The following GRID2 variants were observed in gnomAD, a reference collection of about 807,000 sequenced individuals.
GRID2 encodes the protein glutamate ionotropic receptor delta type subunit 2.
A neutral mutation model predicts 114.8 loss-of-function variants in GRID2; 33 were observed. That is an observed-to-expected ratio of 0.29 (90% CI 0.22 to 0.38). The LOEUF (loss-of-function observed/expected upper bound fraction) is 0.38. Among genes scored for constraint, GRID2 ranks in the 10% least tolerant of loss-of-function variants. The pLI, the probability that GRID2 is intolerant of heterozygous loss-of-function variation, is 1.00. For synonymous variants in GRID2, 505 were observed against 449.9 expected (o/e 1.12, Z -1.55); for missense variants, 1,184 against 1,257.7 (o/e 0.94, Z 0.89).
At chr4:93,336,161 C>T (rs982164576) in intron 8 of GRID2, among the ~76,000 whole-genome samples, 5 of 152,036 alleles carry the variant, frequency 3.3e-5, no homozygotes, top group African/African-American at 1.2e-4. Flanking sequence ...GTATATCTGT[C>T]CCTTCTCCTC....
chr4:93,411,766 A>AT (rs932489956), intron 9 of GRID2, among the ~76,000 whole-genome samples: 10 of 152,046 alleles, frequency 6.6e-5, no homozygotes, highest in African/African-American at 2.4e-4. Flanking sequence ...TGATCAGTAG[A>AT]TTTTTTCAGC....
chr4:92,460,841 C>G (rs1721459505), intron 1 of GRID2, among the ~76,000 whole-genome samples: 1 of 151,816 alleles, frequency 6.6e-6, no homozygotes, highest in East Asian at 1.9e-4. Flanking sequence ...TATTTAAAAA[C>G]AGTAGAGAAT....
chr4:93,739,040 A>T (rs1341869758), intron 14 of GRID2, among the ~76,000 whole-genome samples: 4 of 152,178 alleles, frequency 2.6e-5, no homozygotes, highest in Admixed American at 2.0e-4. Flanking sequence ...GAGAGCAGCC[A>T]TCAGTAGATT....
intron 8 of GRID2, among the ~76,000 whole-genome samples, chr4:93,255,217 C>T (rs1018789456): frequency 6.6e-6 from 1 of 152,000 alleles, no homozygotes; most frequent in African/African-American, 2.4e-5. Flanking sequence ...TTCTGAAGGA[C>T]CATACATTAA....
At chr4:92,425,177 A>G (rs948270851) in intron 1 of GRID2, among the ~76,000 whole-genome samples, 1 of 151,968 alleles carries the variant, frequency 6.6e-6, no homozygotes, top group Non-Finnish European at 1.5e-5. Context: ...TTTTTTCCAC[A>G]TGAGTATCAT....
chr4:92,742,783 T>C (rs930149086), intron 2 of GRID2, among the ~76,000 whole-genome samples: 2 of 152,136 alleles, frequency 1.3e-5, no homozygotes, highest in Non-Finnish European at 1.5e-5. Flanking sequence ...TAAGAAAATA[T>C]TATGCAACAG....
At chr4:93,495,528 T>C (rs1370397367) in intron 12 of GRID2, among the ~76,000 whole-genome samples, 1 of 151,714 alleles carries the variant, frequency 6.6e-6, no homozygotes, top group Non-Finnish European at 1.5e-5. Context: ...ATCGAGGGCA[T>C]GGTAAGACTT....
At chr4:93,584,540 A>G (rs1250274091) in intron 13 of GRID2, among the ~76,000 whole-genome samples, 1 of 152,096 alleles carries the variant, frequency 6.6e-6, no homozygotes, top group Non-Finnish European at 1.5e-5. Flanking sequence ...ATTGTGTTCT[A>G]GTCTTAAATT....
At chr4:93,043,287 T>C (rs1482420188) in intron 2 of GRID2, among the ~76,000 whole-genome samples, 1 of 152,204 alleles carries the variant, frequency 6.6e-6, no homozygotes, top group Admixed American at 6.5e-5. Context: ...TACTTGCTGA[T>C]TGACCTTCTA....
intron 1 of GRID2, among the ~76,000 whole-genome samples, chr4:92,561,832 C>A (rs1405928292): frequency 6.6e-6 from 1 of 152,094 alleles, no homozygotes; most frequent in Non-Finnish European, 1.5e-5. Context: ...TATATTCAAT[C>A]TCAGTTATTC....
At chr4:93,503,195 G>T (rs1245960237) in intron 12 of GRID2, among the ~76,000 whole-genome samples, 1 of 152,058 alleles carries the variant, frequency 6.6e-6, no homozygotes, top group East Asian at 1.9e-4. Flanking sequence ...ATTAATGTGG[G>T]AAGAGTAGTG....
intron 2 of GRID2, among the ~76,000 whole-genome samples, chr4:93,019,448 A>T (rs1424461261): frequency 6.6e-6 from 1 of 152,150 alleles, no homozygotes; most frequent in Non-Finnish European, 1.5e-5. Flanking sequence ...TTATTTAACC[A>T]ATTGCTGTGA....
chr4:93,768,147 T>C (rs1050794414), intron 14 of GRID2, among the ~76,000 whole-genome samples: 4 of 152,122 alleles, frequency 2.6e-5, no homozygotes, highest in African/African-American at 9.7e-5. Context: ...CTCCACCCTA[T>C]AGAGCTATGG....
chr4:92,777,745 A>T (rs1299199678), intron 2 of GRID2, among the ~76,000 whole-genome samples: 2 of 151,918 alleles, frequency 1.3e-5, no homozygotes, highest in African/African-American at 2.4e-5. Context: ...GAAAAAAAAA[A>T]AAAAAAGCCA....
chr4:92,806,382 G>T (rs1280831875), intron 2 of GRID2, among the ~76,000 whole-genome samples: 1 of 151,788 alleles, frequency 6.6e-6, no homozygotes, highest in Non-Finnish European at 1.5e-5. Context: ...TTGTATAAAT[G>T]CAATAGGCTT....
intron 10 of GRID2, among the ~76,000 whole-genome samples, chr4:93,442,238 C>T (rs1017897): frequency 0.68 from 103,617 of 151,828 alleles, 36,001 homozygotes; most frequent in African/African-American, 0.82. Context: ...TTGCATTTGA[C>T]TGAAATGTGT....
intron 8 of GRID2, among the ~76,000 whole-genome samples, chr4:93,262,566 T>C (rs916848701): frequency 6.6e-6 from 1 of 151,994 alleles, no homozygotes; most frequent in African/African-American, 2.4e-5. Flanking sequence ...TGCTTCTTTT[T>C]GTCTAATTAT....
chr4:92,974,953 C>A (rs1333278885), intron 2 of GRID2, among the ~76,000 whole-genome samples: 17 of 151,474 alleles, frequency 1.1e-4, no homozygotes, highest in Non-Finnish European at 1.5e-5. Context: ...GTCAGGAGAT[C>A]TACACCATCC....
intron 1 of GRID2, among the ~76,000 whole-genome samples, chr4:92,384,316 T>C (rs887101946): frequency 1.4e-5 from 2 of 146,126 alleles, no homozygotes; most frequent in African/African-American, 5.1e-5. Context: ...GCCCTTTATG[T>C]GGGGCTTTAT....
Sources: gnomAD v4.1 joint callset for allele counts (sites outside exome capture counted in the v4.1 genomes callset) on GRCh38, gnomAD v4.1.1 for gene constraint, MANE v1.5 for transcripts, NCBI Gene and HGNC (gene_info 2026-07-23, HGNC 2026-07-21) for gene names.